Variants in MAGI3 observed in about 807,000 individuals in gnomAD.
The protein encoded by MAGI3 is membrane-associated guanylate kinase, WW and PDZ domain-containing protein 3.
MAGI3 carries 43 observed loss-of-function variants against 121.8 expected under a neutral mutation model. The ratio of observed to expected loss-of-function variants is 0.35; its 90% confidence interval spans 0.28 to 0.46. The LOEUF is 0.46. Among genes scored for constraint, MAGI3 ranks in the 20% least tolerant of loss-of-function variants. The pLI, the probability that MAGI3 is intolerant of heterozygous loss-of-function variation, is 1.00. For missense variants in MAGI3, 1,547 were observed against 1,797.3 expected (o/e 0.86, Z 2.52); for synonymous variants, 553 against 639.3 (o/e 0.86, Z 2.04).
At chr1:113,578,462 T>G (rs952766074) in intron 2 of MAGI3, among the ~76,000 whole-genome samples, 9 of 152,008 alleles carry the variant, frequency 5.9e-5, no homozygotes, top group Non-Finnish European at 7.4e-5. Context: ...AAGGCTGGAG[T>G]GCAGTGGTGC....
At chr1:113,487,750 G>GT (rs371019698) in intron 1 of MAGI3, among the ~76,000 whole-genome samples, 9,792 of 143,898 alleles carry the variant, frequency 0.068, 337 homozygotes, top group Non-Finnish European at 0.08. Flanking sequence ...ATTGACATCT[G>GT]TTTTTTTTTT....
At chr1:113,540,529 A>C (rs1317981075) in intron 1 of MAGI3, among the ~76,000 whole-genome samples, 1 of 152,190 alleles carries the variant, frequency 6.6e-6, no homozygotes, top group East Asian at 1.9e-4. Flanking sequence ...CTGTAGATTT[A>C]TGTGTACACA....
intron 1 of MAGI3, among the ~76,000 whole-genome samples, chr1:113,496,766 G>A (rs1332605246): frequency 2.6e-5 from 4 of 152,214 alleles, no homozygotes; most frequent in South Asian, 4.1e-4. Flanking sequence ...GAATAGTACC[G>A]ATTACCAAAG....
chr1:113,560,774 G>A (rs1010700765), intron 2 of MAGI3, among the ~76,000 whole-genome samples: 3 of 151,944 alleles, frequency 2.0e-5, no homozygotes, highest in Non-Finnish European at 4.4e-5. Flanking sequence ...GATCAGAGCT[G>A]GACTGAAGCA....
At chr1:113,485,126 A>C (rs1361118803) in intron 1 of MAGI3, among the ~76,000 whole-genome samples, 2 of 152,146 alleles carry the variant, frequency 1.3e-5, no homozygotes, top group Non-Finnish European at 2.9e-5. Context: ...ATAAACATGC[A>C]TGTGCAAGTA....
At chr1:113,614,559 A>T (rs375989719) in intron 6 of MAGI3, 42 bp from the exon 7 acceptor site, 5 of 1,420,438 alleles carry the variant, frequency 3.5e-6, no homozygotes, top group Non-Finnish European at 4.9e-6. Flanking sequence ...CTTTTCTGTC[A>T]GTTTTGAATC....
intron 1 of MAGI3, among the ~76,000 whole-genome samples, chr1:113,426,476 G>T (rs1653013276): frequency 6.6e-6 from 1 of 152,148 alleles, no homozygotes; most frequent in Non-Finnish European, 1.5e-5. Flanking sequence ...ATCAGTTGAT[G>T]AGTGCAGCAT....
chr1:113,444,772 A>C (rs571339134), intron 1 of MAGI3, among the ~76,000 whole-genome samples: 1 of 152,324 alleles, frequency 6.6e-6, no homozygotes, highest in South Asian at 2.1e-4. Context: ...TTCCTGAAAA[A>C]GACCTCATGT....
intron 1 of MAGI3, among the ~76,000 whole-genome samples, chr1:113,548,002 G>A (rs1659613861): frequency 6.6e-6 from 1 of 152,154 alleles, no homozygotes. Context: ...GACATACACT[G>A]ATTTCCTGCT....
intron 1 of MAGI3, among the ~76,000 whole-genome samples, chr1:113,426,829 A>G (rs544567028): frequency 3.8e-4 from 58 of 152,164 alleles, no homozygotes; most frequent in Non-Finnish European, 6.5e-4. Context: ...TCTTTTTTGT[A>G]TGCATGCTGC....
At chr1:113,546,438 G>A (rs1332095480) in intron 1 of MAGI3, among the ~76,000 whole-genome samples, 1 of 152,116 alleles carries the variant, frequency 6.6e-6, no homozygotes, top group Non-Finnish European at 1.5e-5. Context: ...CCAGGTTCAA[G>A]CGATTCTCCT....
chr1:113,401,998 A>G (rs781378426), intron 1 of MAGI3, among the ~76,000 whole-genome samples: 25 of 152,178 alleles, frequency 1.6e-4, no homozygotes, highest in Non-Finnish European at 3.5e-4. Flanking sequence ...GTGGAAGGAA[A>G]CACAGCAATC....
chr1:113,654,028 A>G lies in MAGI3; in HGVS notation c.2629+10A>G, dbSNP rs1357052177. 6 of 1,594,596 alleles carry G rather than the reference A, an allele frequency of 3.8e-6. No individual in the cohort carries two copies. The Admixed American group carries it at 7.0e-5, about 19-fold the overall frequency. On this transcript the variant is annotated intron_variant, in intron 15 of 20. Transcript: ENST00000307546. ...AAACCACCTCCAGGAGGTAAGGGCT[A>G]TTGTATCTTATTGTCTCTCCCTGCA... is the stretch of plus-strand genomic sequence containing the variant.
chr1:113,443,697 A>C (rs1654027361), intron 1 of MAGI3, among the ~76,000 whole-genome samples: 1 of 152,086 alleles, frequency 6.6e-6, no homozygotes, highest in African/African-American at 2.4e-5. Context: ...TTTTAACCTA[A>C]AGTTTGATTA....
At chr1:113,549,741 G>A in intron 2 of MAGI3, 110 bp downstream of exon 2, 1 of 567,064 alleles carries the variant, frequency 1.8e-6, no homozygotes. Flanking sequence ...TGAAGACTAA[G>A]TTGGGAACAA....
intron 11 of MAGI3, among the ~76,000 whole-genome samples, chr1:113,646,013 G>A (rs1314266096): frequency 1.3e-5 from 2 of 152,124 alleles, no homozygotes; most frequent in African/African-American, 4.8e-5. Flanking sequence ...CTAAATTAGA[G>A]TTAACCTCTC....
At chr1:113,416,346 A>G (rs937609656) in intron 1 of MAGI3, among the ~76,000 whole-genome samples, 1 of 62,878 alleles carries the variant, frequency 1.6e-5, no homozygotes, top group Admixed American at 2.0e-4. Context: ...ATCATATATT[A>G]ATTATATATT....
At chr1:113,469,731 A>C (rs1655455446) in intron 1 of MAGI3, among the ~76,000 whole-genome samples, 1 of 152,164 alleles carries the variant, frequency 6.6e-6, no homozygotes. Context: ...GCTTGGTAAT[A>C]GATTTATAAT....
rs1570901086 is a variant in MAGI3 at position 113,390,685 on chromosome 1, G to A, written c.-349G>A. On this transcript the variant is annotated 5_prime_UTR_variant, in exon 1 of 21. Transcript: ENST00000307546. ...CCCCCCCGCCTCAGCCTTTCCCGCC[G>A]CTCGGGCGCTGAGCCCAGGGACCAG... 1 of 155,830 alleles carries A rather than the reference G, an allele frequency of 6.4e-6. No individual in the cohort carries two copies. Among genetic ancestry groups the A allele is most frequent in the Non-Finnish European group, 1.4e-5 (1 of 70,422 alleles). The allele number at this position is 155,830 out of a possible 1,614,324, so 9.7% of individuals were successfully genotyped here.
Sources: allele counts gnomAD v4.1 joint callset (sites outside exome capture counted in the v4.1 genomes callset), GRCh38; gene constraint gnomAD v4.1.1; transcripts MANE v1.5; gene names NCBI Gene and HGNC (gene_info 2026-07-23, HGNC 2026-07-21).